SIPA1L3: variants seen among roughly 807,000 people sequenced by gnomAD.
SIPA1L3 encodes the protein signal-induced proliferation-associated 1-like protein 3.
Under a neutral mutation model 150.1 loss-of-function variants are expected in SIPA1L3, and 59 were observed. That is an observed-to-expected ratio of 0.39 (90% CI 0.32 to 0.49). SIPA1L3 has a LOEUF of 0.49. Ranked by LOEUF, SIPA1L3 falls within the 20% of genes least tolerant of loss-of-function variation. The pLI is 0.86. For missense variants in SIPA1L3, 2,211 were observed against 2,489.5 expected, an observed-to-expected ratio of 0.89 and a Z score of 2.38; for synonymous variants, 1,070 against 1,077.6, an observed-to-expected ratio of 0.99 and a Z score of 0.14.
At chr19:38,069,699 C>T (rs1969673203) in intron 2 of SIPA1L3, among the ~76,000 whole-genome samples, 1 of 151,984 alleles carries the variant, frequency 6.6e-6, no homozygotes, top group Non-Finnish European at 1.5e-5. Context: ...GAGTCTTGCT[C>T]TGTCTCCCAG....
At chr19:37,992,751 T>C (rs551626613) in intron 1 of SIPA1L3, among the ~76,000 whole-genome samples, 3 of 152,118 alleles carry the variant, frequency 2.0e-5, no homozygotes, top group East Asian at 1.9e-4. Flanking sequence ...TGAGGCTCCA[T>C]GTGGTTTTTG....
intron 9 of SIPA1L3, among the ~76,000 whole-genome samples, chr19:38,128,625 A>C (rs911512836): frequency 6.9e-6 from 1 of 144,626 alleles, no homozygotes; most frequent in Admixed American, 6.7e-5. Context: ...GGCCGGGCGC[A>C]GTGGCTCACG....
At chr19:37,921,092 G>A (rs745724433) in intron 1 of SIPA1L3, among the ~76,000 whole-genome samples, 28 of 152,176 alleles carry the variant, frequency 1.8e-4, no homozygotes, top group Non-Finnish European at 4.0e-4. Context: ...ACAGCACCGC[G>A]GCAGGAGGCA....
chr19:38,048,379 C>T (rs1343983317), intron 2 of SIPA1L3, among the ~76,000 whole-genome samples: 1 of 152,174 alleles, frequency 6.6e-6, no homozygotes, highest in Non-Finnish European at 1.5e-5. Flanking sequence ...TCCAGAATGG[C>T]TTCCAGTGAT....
rs913769133 is a variant in SIPA1L3 at position 38,018,580 on chromosome 19, C to A, written c.-378-10509C>A. 3.3e-5 allele frequency among the ~76,000 whole-genome samples: 5 copies of A among 152,188 alleles called. No individual in the cohort carries two copies. In the East Asian group the frequency reaches 9.6e-4, roughly 29 times the overall value. ...ATGTTTTCATGGCCCATCCATGTCA[C>A]GCATGGATTCTTGCTTCATTCCTTT... On this transcript the variant is annotated intron_variant, in intron 1 of 21. Transcript: ENST00000222345.
chr19:38,017,358 C>T (rs1181705988), intron 1 of SIPA1L3, among the ~76,000 whole-genome samples: 1 of 152,034 alleles, frequency 6.6e-6, no homozygotes, highest in African/African-American at 2.4e-5. Flanking sequence ...CCGATGAGAC[C>T]CTCTGAAGGT....
At chr19:37,951,891 C>A in intron 1 of SIPA1L3, among the ~76,000 whole-genome samples, 1 of 46,720 alleles carries the variant, frequency 2.1e-5, no homozygotes, top group African/African-American at 1.4e-4. Flanking sequence ...GCAAGACTGT[C>A]TCAAAAAAAA....
intron 2 of SIPA1L3, among the ~76,000 whole-genome samples, chr19:38,041,782 C>T (rs1968932010): frequency 6.6e-6 from 1 of 151,432 alleles, no homozygotes; most frequent in African/African-American, 2.4e-5. Context: ...CACTATGTTG[C>T]CCAGGCTGGT....
chr19:38,153,494 A>G (rs1971873480), intron 13 of SIPA1L3, among the ~76,000 whole-genome samples: 1 of 152,080 alleles, frequency 6.6e-6, no homozygotes, highest in Non-Finnish European at 1.5e-5. Context: ...ACATGTGGAA[A>G]CCCCATCTCT....
At chr19:37,933,539 G>C (rs1253960683) in intron 1 of SIPA1L3, among the ~76,000 whole-genome samples, 3 of 152,198 alleles carry the variant, frequency 2.0e-5, no homozygotes, top group Non-Finnish European at 4.4e-5. Flanking sequence ...CCTGGCACGT[G>C]GTAGATGCGG....
intron 10 of SIPA1L3, among the ~76,000 whole-genome samples, chr19:38,135,949 G>A (rs1040269887): frequency 1.3e-5 from 2 of 151,956 alleles, no homozygotes; most frequent in South Asian, 2.1e-4. Context: ...CAGCCAGGCC[G>A]CATGGCTTGC....
intron 1 of SIPA1L3, among the ~76,000 whole-genome samples, chr19:37,926,489 G>T (rs568046984): frequency 1.1e-4 from 16 of 152,274 alleles, no homozygotes; most frequent in African/African-American, 3.4e-4. Flanking sequence ...CATGGTGGGG[G>T]TGCTCTCTGG....
At chr19:38,011,580 A>G (rs970364835) in intron 1 of SIPA1L3, among the ~76,000 whole-genome samples, 3 of 152,234 alleles carry the variant, frequency 2.0e-5, no homozygotes, top group African/African-American at 4.8e-5. Context: ...TCCCTGGGGA[A>G]GCCTGCCTTG....
chr19:38,109,648 C>T (rs547488304), intron 7 of SIPA1L3: 2 of 153,338 alleles, frequency 1.3e-5, no homozygotes, highest in East Asian at 3.8e-4. Context: ...AGCCTGTGCT[C>T]TCTGGATCTT....
intron 1 of SIPA1L3, among the ~76,000 whole-genome samples, chr19:37,969,701 C>T (rs1206383955): frequency 2.0e-5 from 3 of 152,208 alleles, no homozygotes; most frequent in African/African-American, 7.2e-5. Flanking sequence ...ACACTTTCCT[C>T]CGGCCTTTGT....
chr19:37,960,014 A>G (rs1462964893), intron 1 of SIPA1L3, among the ~76,000 whole-genome samples: 1 of 152,076 alleles, frequency 6.6e-6, no homozygotes, highest in East Asian at 1.9e-4. Context: ...TTTTATAATT[A>G]TTTTATGAAA....
At position 37,937,741 on chromosome 19, in the gene SIPA1L3, C is replaced by CAAAAAAAAAAAAAAAAAAAAAAAAAAAAA. The variant is rs34881450; in HGVS notation, c.-379+30406_-379+30407insAAAAAAAAAAAAAAAAAAAAAAAAAAAAA. On this transcript the variant is annotated intron_variant, in intron 1 of 21. Transcript: ENST00000222345. ...AGGGCGACAGAGTGAAACCCTGTCT[C>CAAAAAAAAAAAAAAAAAAAAAAAAAAAAA]AAAAAAAAAAAAAAAAAAAAAAAGA... Among the ~76,000 whole-genome samples the CAAAAAAAAAAAAAAAAAAAAAAAAAAAAA allele has an allele frequency of 1.2e-3, 23 of 18,674 alleles. 5 individuals are homozygous for CAAAAAAAAAAAAAAAAAAAAAAAAAAAAA. Among genetic ancestry groups the CAAAAAAAAAAAAAAAAAAAAAAAAAAAAA allele is most frequent in the Admixed American group, 1.5e-3 (2 of 1,350 alleles). 12.3% of individuals were successfully genotyped at this position (18,674 alleles called of 152,430 possible).
intron 4 of SIPA1L3, among the ~76,000 whole-genome samples, chr19:38,090,773 A>G (rs1970240242): frequency 6.6e-6 from 1 of 152,342 alleles, no homozygotes; most frequent in East Asian, 1.9e-4. Flanking sequence ...GGGCCAGCCA[A>G]GTCCTGGACC....
chr19:38,100,220 T>G lies in SIPA1L3; in HGVS notation c.1854+70T>G, dbSNP rs778195501. The G allele has an allele frequency of 9.1e-6, 11 of 1,206,780 alleles. No individual in the cohort carries two copies. The Admixed American group carries it at 9.5e-5, about 10-fold the overall frequency. The allele number at this position is 1,206,780 out of a possible 1,614,324, so 74.8% of individuals were successfully genotyped here. A position where few individuals can be genotyped will look rare whatever the true frequency, so the allele number is the denominator to read the frequency against. On this transcript the variant is annotated intron_variant, in intron 5 of 21. Coordinates refer to ENST00000222345, the MANE Select transcript of SIPA1L3 (RefSeq NM_015073.3). ...TGCAACCCCACTCCTGGTAGCTTTT[T>G]CTATCTTGGTCACTTTCTTTTTTCT...
Sources: allele counts gnomAD v4.1 joint callset (sites outside exome capture counted in the v4.1 genomes callset), GRCh38; gene constraint gnomAD v4.1.1; transcripts MANE v1.5; gene names NCBI Gene and HGNC (gene_info 2026-07-23, HGNC 2026-07-21).